Variants in TRPV1 observed in about 807,000 individuals in gnomAD.
The protein encoded by TRPV1 is transient receptor potential cation channel subfamily V member 1.
TRPV1 carries 82 observed loss-of-function variants against 82.3 expected under a neutral mutation model. The observed-to-expected ratio is 1.00, with a 90% confidence interval of 0.83 to 1.20. The LOEUF (loss-of-function observed/expected upper bound fraction) is 1.20. TRPV1 is among the 50% of genes most tolerant of loss of function. The pLI, the probability that TRPV1 is intolerant of heterozygous loss-of-function variation, is 0.00. For synonymous variants in TRPV1, 515 were observed against 467.7 expected, an observed-to-expected ratio of 1.10 and a Z score of -1.30; for missense variants, 1,067 against 1,096.8, an observed-to-expected ratio of 0.97 and a Z score of 0.38.
intron 9 of TRPV1, 106 bp from the exon 10 acceptor site, chr17:3,583,536 CA>C (rs2075047506): frequency 2.3e-5 from 22 of 938,250 alleles, no homozygotes; most frequent in Non-Finnish European, 3.4e-5. Context: ...GCACAGCCTC[CA>C]TCAGGGGAAG....
At position 3,572,106 on chromosome 17, in the gene TRPV1, G is replaced by A; in HGVS notation, c.2231+16C>T. ...AAAGCTCCCAAGCCCTGATTCAGGT[G>A]GAGCCTGGGCATTACCTGAAGCACC... On this transcript the variant is annotated intron_variant, in intron 15 of 16. Transcript: ENST00000572705. The A allele has an allele frequency of 6.2e-7, 1 of 1,610,250 alleles. No individual in the cohort carries two copies. The highest frequency in any genetic ancestry group is 1.7e-5 in the Admixed American group (1 of 59,868).
At chr17:3,568,594 T>C (rs919099992) in intron 16 of TRPV1, among the ~76,000 whole-genome samples, 1 of 151,856 alleles carries the variant, frequency 6.6e-6, no homozygotes, top group East Asian at 1.9e-4. Flanking sequence ...TATAATGGAG[T>C]ATCTAGTACT....
intron 7 of TRPV1, among the ~76,000 whole-genome samples, chr17:3,589,454 G>A (rs146638663): frequency 2.6e-5 from 4 of 152,076 alleles, no homozygotes; most frequent in South Asian, 2.1e-4. Context: ...CACCCACGTC[G>A]GCCTCCCAAA....
At chr17:3,590,427 C>A (rs200387612) in intron 5 of TRPV1, 35 bp from the exon 6 acceptor site, 1 of 1,606,500 alleles carries the variant, frequency 6.2e-7, no homozygotes, top group Admixed American at 1.7e-5. Context: ...TTCGTGGTCA[C>A]GGTCCTGTGG....
chr17:3,581,645 G>A (rs977433747), intron 10 of TRPV1, among the ~76,000 whole-genome samples: 122 of 152,208 alleles, frequency 8.0e-4, no homozygotes, highest in Non-Finnish European at 1.3e-3. Context: ...CCAGCACTTT[G>A]GGAGGCCGAG....
At chr17:3,589,083 G>A in intron 7 of TRPV1, 2 of 939,282 alleles carry the variant, frequency 2.1e-6, no homozygotes, top group Non-Finnish European at 3.3e-6. Context: ...GCCAAGAGCT[G>A]GAGGCCTGTC....
intron 2 of TRPV1, among the ~76,000 whole-genome samples, chr17:3,607,914 G>A (rs1236029597): frequency 6.6e-6 from 1 of 152,138 alleles, no homozygotes; most frequent in Non-Finnish European, 1.5e-5. Flanking sequence ...TTTGAGGTGT[G>A]ACAGCAAAAC....
intron 2 of TRPV1, among the ~76,000 whole-genome samples, chr17:3,596,018 C>G (rs763795986): frequency 1.3e-5 from 2 of 152,172 alleles, no homozygotes; most frequent in Non-Finnish European, 2.9e-5. Flanking sequence ...CTACAGTGAT[C>G]AGGGGAACTT....
At chr17:3,577,911 C>T (rs570925068) in intron 11 of TRPV1, 148 bp from the exon 12 acceptor site, 21 of 698,442 alleles carry the variant, frequency 3.0e-5, no homozygotes, top group East Asian at 1.7e-4. Context: ...TCAGCCCAGG[C>T]GTTCTCCGTG....
At position 3,572,181 on chromosome 17, in the gene TRPV1, G is replaced by A; in HGVS notation, c.2172C>T (p.Gly724=). Residue 724 remains glycine (G), a synonymous_variant, in exon 15 of 17, where the codon GGC becomes GGT. Transcript: ENST00000572705. ...LKCMRKAFRS[G]KLLQVGYTPD... ...GTGTGTACCCCACCTGCAGCAGCTT[G>A]CCTGAGCGGAAGGCCTTCCTCATGC... is the stretch of plus-strand genomic sequence containing the variant. 1 of 1,613,480 alleles carries A rather than the reference G, an allele frequency of 6.2e-7. No individual in the cohort carries two copies. The highest frequency in any genetic ancestry group is 8.5e-7 in the Non-Finnish European group (1 of 1,179,692).
intron 16 of TRPV1, among the ~76,000 whole-genome samples, chr17:3,570,800 G>A (rs1021760612): frequency 6.6e-6 from 1 of 151,896 alleles, no homozygotes; most frequent in African/African-American, 2.4e-5. Flanking sequence ...TGCAACCTCC[G>A]CCTCCCAGGT....
chr17:3,605,909 C>A (rs1488232274), intron 2 of TRPV1, among the ~76,000 whole-genome samples: 1 of 152,118 alleles, frequency 6.6e-6, no homozygotes, highest in Non-Finnish European at 1.5e-5. Context: ...GCTGTGGTGA[C>A]AACCCCCAAA....
Position 3,571,757 on chromosome 17 carries a change from G to A in TRPV1, c.2232-118C>T, listed in dbSNP as rs543120123. 43 of 783,198 alleles carry A rather than the reference G, an allele frequency of 5.5e-5. No homozygotes were observed. In the South Asian group the frequency reaches 6.8e-4, roughly 12 times the overall value. 48.5% of individuals were successfully genotyped at this position (783,198 alleles called of 1,614,324 possible). On this transcript the variant is annotated intron_variant, in intron 15 of 16. Transcript: ENST00000572705. ...ATCAGGATGGAGATGTGGTGGGTCG[G>A]GGAGGGCAGAGAGGACTTGATTTTT...
intron 9 of TRPV1, among the ~76,000 whole-genome samples, chr17:3,583,747 G>A (rs2075049806): frequency 6.6e-6 from 1 of 152,200 alleles, no homozygotes; most frequent in South Asian, 2.1e-4. Context: ...TGGAGAGGTG[G>A]AAGCACTCTC....
chr17:3,573,551 C>CCCCCCCCCCCCCCCCCCCGG, intron 14 of TRPV1, 82 bp downstream of exon 14: 1 of 635,234 alleles, frequency 1.6e-6, no homozygotes, highest in Non-Finnish European at 2.1e-6. Flanking sequence ...ACCCACCCAC[C>CCCCCCCCCCCCCCCCCCCGG]TGCAGCCAGC....
intron 16 of TRPV1, among the ~76,000 whole-genome samples, chr17:3,569,908 CAGGGGCCAAGTGGTCAGGGAGG>C (rs1175733704): frequency 8.8e-6 from 1 of 113,824 alleles, no homozygotes; most frequent in Admixed American, 1.1e-4. Context: ...GGTTAGGGGC[CAGGGGCCAAGTGGTCAGGGAGG>C]AGGGGCCAAG....
intron 12 of TRPV1, 73 bp from the exon 13 acceptor site, chr17:3,577,265 C>G: frequency 1.3e-6 from 2 of 1,499,540 alleles, no homozygotes; most frequent in South Asian, 1.2e-5. Flanking sequence ...CGGGCCGCAT[C>G]GGCCTGGGGA....
intron 12 of TRPV1, 96 bp downstream of exon 12, chr17:3,577,502 C>A: frequency 2.1e-6 from 3 of 1,419,668 alleles, no homozygotes; most frequent in East Asian, 2.5e-5. Context: ...CCTTCCCAGG[C>A]ACGACAGAGA....
At chr17:3,591,979 C>T (rs1045277433) in intron 3 of TRPV1, 88 bp downstream of exon 3, 2 of 1,506,048 alleles carry the variant, frequency 1.3e-6, no homozygotes, top group Non-Finnish European at 1.8e-6. Context: ...GGCTTTGTGA[C>T]ATTTAGCCCA....
Sources: allele counts gnomAD v4.1 joint callset (sites outside exome capture counted in the v4.1 genomes callset), GRCh38; gene constraint gnomAD v4.1.1; transcripts MANE v1.5; gene names NCBI Gene and HGNC (gene_info 2026-07-23, HGNC 2026-07-21).